ZC3H12B: variants seen among roughly 807,000 people sequenced by gnomAD.
ZC3H12B encodes the protein zinc finger CCCH-type containing 12B, also known as probable ribonuclease ZC3H12B.
In ZC3H12B, 7 loss-of-function variants were observed where a neutral mutation model predicts 43.9. The observed-to-expected ratio is 0.16, with a 90% CI of 0.09 to 0.30. The LOEUF (loss-of-function observed/expected upper bound fraction) is 0.30, where lower values mean the gene tolerates loss of function less well. Among genes scored for constraint, ZC3H12B ranks in the 10% least tolerant of loss-of-function variants. ZC3H12B has a pLI of 1.00. For missense variants in ZC3H12B, 475 were observed against 670.2 expected (o/e 0.71, Z 3.22); for synonymous variants, 222 against 241.7 (o/e 0.92, Z 0.76).
chrX:65,387,575 T>G (rs907497843), intron 2 of ZC3H12B, among the ~76,000 whole-genome samples: 50 of 112,120 alleles, frequency 4.5e-4, no homozygotes, highest in African/African-American at 1.6e-3. Context: ...GCACACTGAC[T>G]GGTCTTGACT....
chrX:65,200,426 C>CTTT, the ZC3H12B span, among the ~76,000 whole-genome samples: 435 of 59,538 alleles, frequency 7.3e-3, 4 homozygotes, highest in African/African-American at 0.013. Context: ...ATAGTTTCCT[C>CTTT]TTTTTTTTTT....
chrX:65,494,121 A>G (rs1301087220), intron 1 of ZC3H12B, among the ~76,000 whole-genome samples: 1 of 112,106 alleles, frequency 8.9e-6, no homozygotes, highest in Non-Finnish European at 1.9e-5. Context: ...GAATATAAAT[A>G]TATCAAAATA....
the ZC3H12B span, among the ~76,000 whole-genome samples, chrX:65,290,440 A>T: frequency 1.8e-5 from 2 of 111,349 alleles, no homozygotes; most frequent in Non-Finnish European, 3.8e-5. Context: ...GACTTCCGAA[A>T]AAAGTAAATA....
chrX:65,487,279 G>A (rs1288962281), upstream of ZC3H12B, among the ~76,000 whole-genome samples: 1 of 112,690 alleles, frequency 8.9e-6, no homozygotes, highest in African/African-American at 3.2e-5. Flanking sequence ...GGTGGCTCAC[G>A]CCTGTAATCC....
At chrX:65,380,054 A>C (rs1056215001) in intron 2 of ZC3H12B, among the ~76,000 whole-genome samples, 4 of 112,193 alleles carry the variant, frequency 3.6e-5, no homozygotes, top group Non-Finnish European at 7.5e-5. Context: ...TCCAAGAGAA[A>C]TTCCCCAATC....
the ZC3H12B span, among the ~76,000 whole-genome samples, chrX:65,122,563 T>C: frequency 2.7e-5 from 3 of 111,443 alleles, no homozygotes; most frequent in Non-Finnish European, 5.7e-5. Context: ...ATGGACTAAG[T>C]TCTCCAATTA....
chrX:65,262,537 C>G, the ZC3H12B span, among the ~76,000 whole-genome samples: 1 of 111,168 alleles, frequency 9.0e-6, no homozygotes, highest in Admixed American at 9.6e-5. Flanking sequence ...AGGATAAAAA[C>G]ATAATAAGTT....
At chrX:65,151,720 T>G in the ZC3H12B span, among the ~76,000 whole-genome samples, 1,624 of 111,734 alleles carry the variant, frequency 0.015, 10 homozygotes, top group Middle Eastern at 0.055. Context: ...GAATCCTCCC[T>G]AACTCATTTA....
At chrX:65,143,142 T>C in the ZC3H12B span, among the ~76,000 whole-genome samples, 1 of 111,803 alleles carries the variant, frequency 8.9e-6, no homozygotes, top group Non-Finnish European at 1.9e-5. Flanking sequence ...GAGCATGGGA[T>C]GTGTTTCTAT....
chrX:65,279,892 C>A, the ZC3H12B span, among the ~76,000 whole-genome samples: 1 of 111,741 alleles, frequency 8.9e-6, no homozygotes, highest in South Asian at 3.6e-4. Flanking sequence ...ACAAACAACC[C>A]CAATAAAAAG....
exon 5 of ZC3H12B, chrX:65,507,551 T>G (rs1208679415): frequency 2.7e-5 from 3 of 112,497 alleles, no homozygotes; most frequent in Non-Finnish European, 5.6e-5. Context: ...AGTAGTTTGC[T>G]TTATCCATTT....
chrX:65,258,258 G>A, the ZC3H12B span, among the ~76,000 whole-genome samples: 1 of 111,922 alleles, frequency 8.9e-6, no homozygotes, highest in African/African-American at 3.2e-5. Context: ...TGCAAGCCTG[G>A]TTTGATATAC....
the ZC3H12B span, among the ~76,000 whole-genome samples, chrX:65,136,069 G>T: frequency 4.1e-4 from 46 of 111,549 alleles, 1 homozygote; most frequent in Non-Finnish European, 7.5e-5. Context: ...TTCTGGTTGA[G>T]ACCTTTCTGG....
At chrX:65,135,429 T>A in the ZC3H12B span, among the ~76,000 whole-genome samples, 1 of 110,514 alleles carries the variant, frequency 9.0e-6, no homozygotes, top group African/African-American at 3.3e-5. Context: ...CATTCATTCT[T>A]TTGGACTTAC....
the ZC3H12B span, among the ~76,000 whole-genome samples, chrX:65,140,448 C>A: frequency 8.9e-6 from 1 of 111,820 alleles, no homozygotes; most frequent in Admixed American, 9.5e-5. Flanking sequence ...ATAAATCACA[C>A]TTGATCTTGA....
chrX:65,276,890 TAAC>T, the ZC3H12B span, among the ~76,000 whole-genome samples: 1 of 111,634 alleles, frequency 9.0e-6, no homozygotes, highest in African/African-American at 3.3e-5. Flanking sequence ...CTATCAATAA[TAAC>T]CTTGAATGTA....
intron 3 of ZC3H12B, among the ~76,000 whole-genome samples, chrX:65,479,700 T>C (rs1018735753): frequency 8.9e-6 from 1 of 111,939 alleles, no homozygotes; most frequent in African/African-American, 3.2e-5. Context: ...TGAAAACCTT[T>C]CGTTAAGTTC....
the ZC3H12B span, among the ~76,000 whole-genome samples, chrX:65,068,804 T>C: frequency 7.2e-5 from 8 of 111,852 alleles, no homozygotes; most frequent in African/African-American, 2.6e-4. Context: ...TTGGAGAATG[T>C]CTTGTATTGA....
At chrX:65,488,073 A>G (rs867256257), upstream of ZC3H12B, among the ~76,000 whole-genome samples, 2 of 110,450 alleles carry the variant, frequency 1.8e-5, no homozygotes, top group African/African-American at 6.6e-5. Flanking sequence ...GGGTTTCACC[A>G]TGTTAGCCAG....
Sources: gnomAD v4.1 joint callset for allele counts (sites outside exome capture counted in the v4.1 genomes callset) on GRCh38, gnomAD v4.1.1 for gene constraint, MANE v1.5 for transcripts, NCBI Gene and HGNC (gene_info 2026-07-23, HGNC 2026-07-21) for gene names.